ZFPM1: variants seen among roughly 807,000 people sequenced by gnomAD.
ZFPM1 encodes zinc finger protein, FOG family member 1.
ZFPM1 carries 28 observed loss-of-function variants against 46.3 expected under a neutral mutation model. That is an observed-to-expected ratio of 0.60 (90% CI 0.45 to 0.83). The LOEUF (loss-of-function observed/expected upper bound fraction) is 0.83. ZFPM1 is among the 40% of genes least tolerant of loss of function. The probability of loss-of-function intolerance (pLI) is 0.00; values close to 1 mark genes in which losing one functional copy is unlikely to be tolerated. For missense variants in ZFPM1, 1,878 were observed against 1,432.4 expected, an observed-to-expected ratio of 1.31 and a Z score of -5.02; for synonymous variants, 957 against 675.9, an observed-to-expected ratio of 1.42 and a Z score of -6.45.
chr16:88,517,100 G>A (rs972305862), intron 4 of ZFPM1, among the ~76,000 whole-genome samples: 2 of 152,178 alleles, frequency 1.3e-5, no homozygotes, highest in Non-Finnish European at 2.9e-5. Context: ...GGGCCTGAGG[G>A]GCCCAGCCAG....
In ZFPM1 at chr16:88,471,655, C is replaced by T. The variant is rs1908428307; in HGVS notation, c.41-14284C>T. The stretch of plus-strand genomic sequence containing the variant: ...GGTGGGGTCAGGGCCCCAAGATGAC[C>T]GTGGCCGCGGTGGCTCCCACACACA... On this transcript the variant is annotated intron_variant, in intron 1 of 9. Coordinates refer to ENST00000319555, the MANE Select transcript of ZFPM1 (RefSeq NM_153813.3). The surrounding 1 kb of genome is among the most constrained non-coding windows in gnomAD (Gnocchi z 4.1). 6.6e-6 allele frequency among the ~76,000 whole-genome samples: 1 copy of T among 152,214 alleles called. No individual in the cohort carries two copies.
Position 88,533,831 on chromosome 16 carries a change from C to T in ZFPM1, c.1873C>T (p.Pro625Ser), listed in dbSNP as rs1913019999. Residue 625 changes from proline (P) to serine (S), a missense_variant, in exon 10 of 10, where the codon CCC (proline) becomes TCC (serine). Pro to Ser is a moderately conservative substitution (Grantham distance 74, BLOSUM62 -1). Transcript: ENST00000319555. ...PKAPPGPARA[P>S]PGQPAEPDAP... ...GGCGCCCCCCGGCCCGGCCCGCGCGCCCCCCGGCCAGCCCGCCGAACCCGA... is the reference window on the plus strand; with the variant it reads ...GGCGCCCCCCGGCCCGGCCCGCGCGTCCCCCGGCCAGCCCGCCGAACCCGA... 3 of 996,362 alleles carry T rather than the reference C, an allele frequency of 3.0e-6. No individual in the cohort carries two copies. The highest frequency in any genetic ancestry group is 9.1e-5 in the South Asian group (2 of 21,952). 61.7% of individuals were successfully genotyped at this position (996,362 alleles called of 1,614,324 possible).
At chr16:88,477,502 C>T (rs1049182034) in intron 1 of ZFPM1, among the ~76,000 whole-genome samples, 1 of 152,176 alleles carries the variant, frequency 6.6e-6, no homozygotes, top group African/African-American at 2.4e-5. Context: ...GTGGCTCATG[C>T]CTGCAATCCC....
intron 1 of ZFPM1, among the ~76,000 whole-genome samples, chr16:88,459,644 A>C (rs1597225450): frequency 1.2e-5 from 1 of 85,308 alleles, no homozygotes; most frequent in African/African-American, 4.7e-5. Flanking sequence ...CCTAACGCCC[A>C]CCCATGGGGC....
intron 4 of ZFPM1, among the ~76,000 whole-genome samples, chr16:88,520,472 A>C (rs529440455): frequency 7.2e-6 from 1 of 139,736 alleles, no homozygotes. Flanking sequence ...ATGGATGGAC[A>C]GATGTATGGG....
Position 88,494,076 on chromosome 16 carries a change from G to A in ZFPM1, c.268+4923G>A, listed in dbSNP as rs529160666. On this transcript the variant is annotated intron_variant, in intron 3 of 9. Coordinates refer to ENST00000319555, the MANE Select transcript of ZFPM1 (RefSeq NM_153813.3). ...AAGCCTCCACGAGGAGGGGGACTGCGGAGTGTGTAGCGCAGAGTGTGGCTG... is the reference window on the plus strand; with the variant it reads ...AAGCCTCCACGAGGAGGGGGACTGCAGAGTGTGTAGCGCAGAGTGTGGCTG... Among the ~76,000 whole-genome samples the A allele has an allele frequency of 1.3e-4, 20 of 152,306 alleles. No homozygotes were observed. In the South Asian group the frequency reaches 2.3e-3, roughly 17 times the overall value.
At chr16:88,487,398 C>G (rs939123434) in intron 2 of ZFPM1, among the ~76,000 whole-genome samples, 2 of 152,192 alleles carry the variant, frequency 1.3e-5, no homozygotes, top group African/African-American at 4.8e-5. Context: ...GTGGCCATAC[C>G]CGGACCATTT....
In ZFPM1 at chr16:88,453,533, G is replaced by C; in HGVS notation, c.-106G>C. On this transcript the variant is annotated 5_prime_UTR_variant, in exon 1 of 10. Transcript: ENST00000319555. ...GGGCCGGGGCGGCCGCGGAGACCGG[G>C]GGCCGGGGGCATGAGCGGCCCCGCG... 2 of 495,150 alleles carry C rather than the reference G, an allele frequency of 4.0e-6. No homozygotes were observed. Among genetic ancestry groups the C allele is most frequent in the South Asian group, 8.5e-5 (1 of 11,724 alleles). The allele number at this position is 495,150 out of a possible 1,614,324, so 30.7% of individuals were successfully genotyped here.
At position 88,471,128 on chromosome 16, in the gene ZFPM1, C is replaced by G. The variant is rs957613846; in HGVS notation, c.41-14811C>G. Among the ~76,000 whole-genome samples, 1 of 152,210 alleles carries G rather than the reference C, an allele frequency of 6.6e-6. No homozygotes were observed. Among genetic ancestry groups the G allele is most frequent in the Non-Finnish European group, 1.5e-5 (1 of 68,024 alleles). ...GGGGGCCGGGAGGAGGAAAGCCCAG[C>G]TCCCCTGCAGCCATGATAGATAGAC... On this transcript the variant is annotated intron_variant, in intron 1 of 9. Coordinates refer to ENST00000319555, the MANE Select transcript of ZFPM1 (RefSeq NM_153813.3). The surrounding 1 kb of genome is among the most constrained non-coding windows in gnomAD (Gnocchi z 4.1).
intron 4 of ZFPM1, among the ~76,000 whole-genome samples, chr16:88,519,355 G>A (rs1911632440): frequency 6.6e-6 from 1 of 150,886 alleles, no homozygotes; most frequent in Non-Finnish European, 1.5e-5. Context: ...ATGGATGAGT[G>A]GATGGATGAA....
At position 88,471,565 on chromosome 16, in the gene ZFPM1, C is replaced by T. The variant is rs1451240218; in HGVS notation, c.41-14374C>T. Among the ~76,000 whole-genome samples, 1 of 152,156 alleles carries T rather than the reference C, an allele frequency of 6.6e-6. No individual in the cohort carries two copies. The highest frequency in any genetic ancestry group is 1.5e-5 in the Non-Finnish European group (1 of 68,016). On this transcript the variant is annotated intron_variant, in intron 1 of 9. Coordinates refer to ENST00000319555, the MANE Select transcript of ZFPM1 (RefSeq NM_153813.3). This position sits in a 1 kb window ranked among gnomAD's most constrained non-coding sequence, Gnocchi z 4.1. ...AAGATGACCATGGCTGCGGTGGCTCCTGCTCACAGTGGGGGACGCCAGGAC... is the reference window on the plus strand; with the variant it reads ...AAGATGACCATGGCTGCGGTGGCTCTTGCTCACAGTGGGGGACGCCAGGAC...
At chr16:88,526,530 C>T (rs1597282248) in intron 4 of ZFPM1, among the ~76,000 whole-genome samples, 1 of 152,172 alleles carries the variant, frequency 6.6e-6, no homozygotes, top group Non-Finnish European at 1.5e-5. Context: ...TGCTCGACCT[C>T]TTTGGGCCTC....
chr16:88,535,158 T>C lies in ZFPM1; in HGVS notation c.*179T>C, dbSNP rs1913192435. ...TGGCACTTAATAAAGAAGTTCAGTTTGATGAGCATGGTGGTGGGCCAGCCT... is the reference window on the plus strand; with the variant it reads ...TGGCACTTAATAAAGAAGTTCAGTTCGATGAGCATGGTGGTGGGCCAGCCT... On this transcript the variant is annotated 3_prime_UTR_variant, in exon 10 of 10. Transcript: ENST00000319555. 8 of 707,592 alleles carry C rather than the reference T, an allele frequency of 1.1e-5. No individual in the cohort carries two copies. Among genetic ancestry groups the C allele is most frequent in the Non-Finnish European group, 1.6e-5 (8 of 505,756 alleles). 43.8% of individuals were successfully genotyped at this position (707,592 alleles called of 1,614,324 possible). A position where few individuals can be genotyped will look rare whatever the true frequency, so the allele number is the denominator to read the frequency against.
intron 4 of ZFPM1, among the ~76,000 whole-genome samples, chr16:88,526,473 G>A (rs1912331975): frequency 6.9e-6 from 1 of 144,488 alleles, no homozygotes; most frequent in African/African-American, 2.6e-5. Flanking sequence ...AGACCCGGGT[G>A]TGAGTTCAGG....
chr16:88,463,145 G>A lies in ZFPM1; in HGVS notation c.40+9467G>A, dbSNP rs190609570. Among the ~76,000 whole-genome samples the A allele has an allele frequency of 4.4e-3, 663 of 152,382 alleles. 5 individuals carry two copies. Among genetic ancestry groups the A allele is most frequent in the African/African-American group, 0.015 (625 of 41,596 alleles). On this transcript the variant is annotated intron_variant, in intron 1 of 9. Coordinates refer to ENST00000319555, the MANE Select transcript of ZFPM1 (RefSeq NM_153813.3). Reference sequence around the variant, plus strand: ...CAAGTCAGACCCAGGGAGCAGGAGCGGAGGAGGCCCCAGGGCCAGGTGGTC... The same window carrying A: ...CAAGTCAGACCCAGGGAGCAGGAGCAGAGGAGGCCCCAGGGCCAGGTGGTC...
At chr16:88,478,684 G>A (rs1289676313) in intron 1 of ZFPM1, among the ~76,000 whole-genome samples, 1 of 152,198 alleles carries the variant, frequency 6.6e-6, no homozygotes, top group African/African-American at 2.4e-5. Flanking sequence ...GACCATGGGG[G>A]ACGGACCTAG....
At chr16:88,519,571 GATGA>G (rs1455990179) in intron 4 of ZFPM1, among the ~76,000 whole-genome samples, 1 of 148,272 alleles carries the variant, frequency 6.7e-6, no homozygotes, top group African/African-American at 2.5e-5. Context: ...TGGATGGATG[GATGA>G]ATGGGAGGGT....
intron 4 of ZFPM1, among the ~76,000 whole-genome samples, chr16:88,520,237 C>T (rs1304144574): frequency 1.4e-5 from 2 of 139,370 alleles, no homozygotes; most frequent in African/African-American, 2.7e-5. Flanking sequence ...GATGGATTGA[C>T]GGCTGGGTGG....
At chr16:88,503,045 C>T (rs551242652) in intron 3 of ZFPM1, among the ~76,000 whole-genome samples, 1 of 152,354 alleles carries the variant, frequency 6.6e-6, no homozygotes, top group South Asian at 2.1e-4. Flanking sequence ...GTGGCAGGGG[C>T]GCTGCTCCGC....
Sources: allele counts gnomAD v4.1 joint callset (sites outside exome capture counted in the v4.1 genomes callset), GRCh38; gene constraint gnomAD v4.1.1; non-coding constraint Gnocchi (gnomAD v3.1); transcripts MANE v1.5; gene names NCBI Gene and HGNC (gene_info 2026-07-23, HGNC 2026-07-21).